Variants in FAM184B observed in about 807,000 individuals in gnomAD.
FAM184B encodes family with sequence similarity 184 member B.
A neutral mutation model predicts 135.9 loss-of-function variants in FAM184B; 111 were observed. The observed-to-expected ratio is 0.82, with a 90% confidence interval of 0.70 to 0.96. FAM184B has a LOEUF of 0.96. Ranked by LOEUF, FAM184B falls within the 40% of genes least tolerant of loss-of-function variation. FAM184B has a pLI of 0.00. For synonymous variants in FAM184B, 552 were observed against 524.8 expected, an observed-to-expected ratio of 1.05 and a Z score of -0.71; for missense variants, 1,375 against 1,323.9, an observed-to-expected ratio of 1.04 and a Z score of -0.60.
In FAM184B at chr4:17,705,874, A is replaced by T; in HGVS notation, c.1048T>A (p.Leu350Ile). 4 of 1,552,182 alleles carry T rather than the reference A, an allele frequency of 2.6e-6. No individual in the cohort carries two copies. In the South Asian group the frequency reaches 4.8e-5, roughly 18 times the overall value. The change falls in exon 4 of 18, where the codon TTA (leucine) becomes ATA (isoleucine). Residue 350 changes from leucine (L) to isoleucine (I), a missense_variant. Leu to Ile is a conservative substitution (Grantham distance 5, BLOSUM62 2). Transcript: ENST00000265018. ...TQQTDAMKTE[L>I]VSENKVLREE... ...CGCAGGACTTTGTTCTCTGAAACTA[A>T]CTCAGTCTTCATGGCATCTGCAAGC... is the stretch of plus-strand genomic sequence containing the variant.
intron 1 of FAM184B, among the ~76,000 whole-genome samples, chr4:17,718,200 A>C (rs1245260004): frequency 5.3e-5 from 8 of 152,148 alleles, no homozygotes; most frequent in Admixed American, 5.2e-4. Context: ...AACCCTTCTT[A>C]AGCTCTTAAA....
chr4:17,674,870 C>G (rs1409595215), intron 7 of FAM184B, among the ~76,000 whole-genome samples: 1 of 152,194 alleles, frequency 6.6e-6, no homozygotes, highest in African/African-American at 2.4e-5. Context: ...GTCACATCAT[C>G]AGGCTTTACA....
chr4:17,722,674 C>A (rs978498557), intron 1 of FAM184B, among the ~76,000 whole-genome samples: 1 of 152,150 alleles, frequency 6.6e-6, no homozygotes, highest in African/African-American at 2.4e-5. Context: ...CCAGTCCAAC[C>A]CTCACACAGA....
In FAM184B at chr4:17,639,501, G is replaced by A. The variant is rs1715245712; in HGVS notation, c.2520-105C>T. ...TCGCTGCCCAGTTTGGGAGATCTGG[G>A]TGGGGAGAAATTGTGATCTAAGGAC... On this transcript the variant is annotated intron_variant, in intron 13 of 17. Transcript: ENST00000265018. 3.7e-6 allele frequency: 5 copies of A among 1,356,384 alleles called. No homozygotes were observed. In the South Asian group the frequency reaches 6.8e-5, roughly 18 times the overall value. 84.0% of individuals were successfully genotyped at this position (1,356,384 alleles called of 1,614,324 possible).
At chr4:17,721,402 A>AAAAAAAAAAAAAAAAAAAAC (rs1717525257) in intron 1 of FAM184B, among the ~76,000 whole-genome samples, 1 of 150,198 alleles carries the variant, frequency 6.7e-6, no homozygotes, top group Non-Finnish European at 1.5e-5. Context: ...AAAAAAAAAA[A>AAAAAAAAAAAAAAAAAAAAC]AAAATCTCTT....
chr4:17,646,982 G>T (rs1407394074), intron 12 of FAM184B, among the ~76,000 whole-genome samples: 1 of 152,160 alleles, frequency 6.6e-6, no homozygotes, highest in African/African-American at 2.4e-5. Flanking sequence ...GATGGAGCCT[G>T]TCTGGTAAAA....
rs566527640 is a variant in FAM184B, at chr4:17,744,029, G to T, written c.142-34385C>A. 3.4e-4 allele frequency among the ~76,000 whole-genome samples: 52 copies of T among 152,240 alleles called. 1 individual carries two copies. In the South Asian group the frequency reaches 0.01, roughly 30 times the overall value. Reference sequence around the variant, plus strand: ...CCTGTGGTTATTAGACTGCTGTCAGGGGACTGCTCTCAGCTCCAGAGGCCA... The same window carrying T: ...CCTGTGGTTATTAGACTGCTGTCAGTGGACTGCTCTCAGCTCCAGAGGCCA... On this transcript the variant is annotated intron_variant, in intron 1 of 17. Coordinates refer to ENST00000265018, the MANE Select transcript of FAM184B (RefSeq NM_015688.2).
chr4:17,728,544 C>T (rs556257811), intron 1 of FAM184B, among the ~76,000 whole-genome samples: 6 of 152,218 alleles, frequency 3.9e-5, no homozygotes, highest in South Asian at 2.1e-4. Flanking sequence ...CTCCGTCTCT[C>T]GGGGCAGTCA....
intron 1 of FAM184B, among the ~76,000 whole-genome samples, chr4:17,757,163 A>G (rs1301121320): frequency 1.3e-5 from 2 of 152,210 alleles, no homozygotes; most frequent in East Asian, 1.9e-4. Flanking sequence ...AATATAAGTG[A>G]CAGAAGAACA....
In FAM184B at chr4:17,659,993, C is replaced by T; in HGVS notation, c.1789G>A (p.Asp597Asn). The T allele has an allele frequency of 1.3e-6, 2 of 1,551,374 alleles. No homozygotes were observed. Among genetic ancestry groups the T allele is most frequent in the Non-Finnish European group, 1.7e-6 (2 of 1,146,978 alleles). Residue 597 changes from aspartate (D) to asparagine (N), a missense_variant, in exon 9 of 18, where the codon GAC becomes AAC. Transcript: ENST00000265018. ...KTSKIQRLEE[D>N]WQSQKAKLQA... The stretch of plus-strand genomic sequence containing the variant: ...AATTTGGCCTTCTGGCTTTGCCAGT[C>T]CTCCTCTAGACGCTGGATTTTGGAT...
chr4:17,730,616 T>A (rs1010405645), intron 1 of FAM184B, among the ~76,000 whole-genome samples: 1 of 152,138 alleles, frequency 6.6e-6, no homozygotes, highest in Non-Finnish European at 1.5e-5. Context: ...ATATTCAACA[T>A]TCTTAAAGAA....
intron 1 of FAM184B, among the ~76,000 whole-genome samples, chr4:17,772,364 C>T (rs1718837892): frequency 6.6e-6 from 1 of 152,118 alleles, no homozygotes. Context: ...ATTAATGTGT[C>T]TTAATAGATG....
At chr4:17,753,927 C>T (rs929398723) in intron 1 of FAM184B, among the ~76,000 whole-genome samples, 6 of 152,084 alleles carry the variant, frequency 3.9e-5, no homozygotes, top group African/African-American at 1.4e-4. Flanking sequence ...TGTATTATAG[C>T]CTAAGGGTAG....
intron 5 of FAM184B, among the ~76,000 whole-genome samples, chr4:17,701,341 G>A (rs747824128): frequency 3.9e-5 from 6 of 152,238 alleles, no homozygotes; most frequent in Non-Finnish European, 5.9e-5. Flanking sequence ...TGGCTATGGA[G>A]TCAGACAAGC....
At chr4:17,751,908 C>T (rs900710162) in intron 1 of FAM184B, among the ~76,000 whole-genome samples, 5 of 142,050 alleles carry the variant, frequency 3.5e-5, no homozygotes, top group South Asian at 4.4e-4. Flanking sequence ...AGAGGTGTGG[C>T]GGGATGCAAA....
Position 17,709,152 on chromosome 4 carries a change from T to A in FAM184B, c.634A>T (p.Lys212Ter). Residue 212 changes from lysine to a stop codon, truncating the protein, a stop_gained, in exon 2 of 18, where the codon AAG (lysine) becomes TAG (stop). Coordinates refer to ENST00000265018, the MANE Select transcript of FAM184B (RefSeq NM_015688.2). LOFTEE classifies it high-confidence loss of function. ...RLRVENQQLS[K>*]DYARKAEELQ... ...TCCTCGGCCTTGCGGGCGTAGTCCT[T>A]GCTCAGCTGCTGGTTCTCCACTCGC... is the stretch of plus-strand genomic sequence containing the variant. 6.5e-7 allele frequency: 1 copy of A among 1,548,290 alleles called. No individual in the cohort carries two copies.
At chr4:17,733,255 C>A (rs1476330799) in intron 1 of FAM184B, among the ~76,000 whole-genome samples, 1 of 152,150 alleles carries the variant, frequency 6.6e-6, no homozygotes, top group African/African-American at 2.4e-5. Flanking sequence ...AAACTGGAAG[C>A]ATTCCCTTTG....
At chr4:17,780,925 GC>G (rs953092825) in intron 1 of FAM184B, among the ~76,000 whole-genome samples, 2 of 152,158 alleles carry the variant, frequency 1.3e-5, no homozygotes, top group African/African-American at 4.8e-5. Flanking sequence ...CACCTGCCCA[GC>G]CAGCAGGCTG....
intron 7 of FAM184B, among the ~76,000 whole-genome samples, chr4:17,678,908 AC>A (rs1381563373): frequency 6.6e-6 from 1 of 152,174 alleles, no homozygotes; most frequent in Admixed American, 6.5e-5. Flanking sequence ...AAAGCAAAAA[AC>A]AAAAAACATA....
Sources: allele counts gnomAD v4.1 joint callset (sites outside exome capture counted in the v4.1 genomes callset), GRCh38; gene constraint gnomAD v4.1.1; transcripts MANE v1.5; gene names NCBI Gene and HGNC (gene_info 2026-07-23, HGNC 2026-07-21).